TOP3B: variants seen among roughly 807,000 people sequenced by gnomAD.
The protein encoded by TOP3B is DNA topoisomerase III beta, also known as DNA topoisomerase 3-beta-1.
In TOP3B, 45 loss-of-function variants were observed where a neutral mutation model predicts 93.9. The ratio of observed to expected loss-of-function variants is 0.48; its 90% CI spans 0.38 to 0.61. TOP3B has a LOEUF of 0.61. TOP3B is among the 20% of genes least tolerant of loss of function. The pLI is 0.00. For missense variants in TOP3B, 750 were observed against 1,156.1 expected (o/e 0.65, Z 5.09); for synonymous variants, 357 against 472.6 (o/e 0.76, Z 3.17).
chr22:21,970,121 T>TA lies in TOP3B; in HGVS notation c.581+88dup, dbSNP rs1248994712. On this transcript the variant is annotated intron_variant, in intron 6 of 17. Transcript: ENST00000357179. The surrounding 1 kb of genome is among the most constrained non-coding windows in gnomAD (Gnocchi z 4.4). ...TTGCTCATCCTGGCTCGAGGAGGCCTAGGGGCCCCGGAGGGGGACCAGTAG... is the reference window on the plus strand; with the variant it reads ...TTGCTCATCCTGGCTCGAGGAGGCCTAAGGGGCCCCGGAGGGGGACCAGTAG... The TA allele has an allele frequency of 7.4e-5, 111 of 1,504,846 alleles. No homozygotes were observed. The highest frequency in any genetic ancestry group is 9.6e-5 in the Non-Finnish European group (107 of 1,115,074). 93.2% of individuals were successfully genotyped at this position (1,504,846 alleles called of 1,614,324 possible).
Position 21,972,607 on chromosome 22 carries a change from C to T in TOP3B, c.309+5G>A, listed in dbSNP as rs368855555. The T allele has an allele frequency of 1.3e-5, 21 of 1,603,040 alleles. No individual in the cohort carries two copies. Among genetic ancestry groups the T allele is most frequent in the African/African-American group, 2.7e-5 (2 of 74,220 alleles). ...TGTGCTCATGCCCAGGCCAGCCCCA[C>T]GCACCTGCAGGAACTTCACCATGTT... On this transcript the variant is annotated splice_donor_5th_base_variant and intron_variant, in intron 4 of 17. Coordinates refer to ENST00000357179, the MANE Select transcript of TOP3B (RefSeq NM_001282112.2).
Position 21,970,249 on chromosome 22 carries a change from C to T in TOP3B, c.542G>A (p.Arg181His), listed in dbSNP as rs757937448. 8 of 1,613,500 alleles carry T rather than the reference C, an allele frequency of 5.0e-6. No individual in the cohort carries two copies. Among genetic ancestry groups the T allele is most frequent in the South Asian group, 1.1e-5 (1 of 91,080 alleles). The change falls in exon 6 of 18, where the codon CGC becomes CAC. Residue 181 changes from arginine (R) to histidine (H), a missense_variant. Arg to His is a conservative substitution (Grantham distance 29). This residue lies in a region of TOP3B where 737 missense variants were observed against 933.7 expected (regional missense o/e 0.79). Coordinates refer to ENST00000357179, the MANE Select transcript of TOP3B (RefSeq NM_001282112.2). The surrounding 1 kb of genome is among the most constrained non-coding windows in gnomAD (Gnocchi z 4.4). ...DHNEALSVDA[R>H]QELDLRIGCA... ...GCCGATTCGCAGGTCCAGCTCCTGG[C>T]GAGCATCCACTGAGAGCGCCTCGTT...
chr22:21,972,305 C>T, intron 4 of TOP3B: 1 of 459,868 alleles, frequency 2.2e-6, no homozygotes, highest in South Asian at 3.9e-5. Flanking sequence ...CTTATCTGCA[C>T]TTTCTAATTT....
intron 9 of TOP3B, 69 bp from the exon 10 acceptor site, chr22:21,964,384 G>A: frequency 6.3e-7 from 1 of 1,575,410 alleles, no homozygotes; most frequent in South Asian, 1.1e-5. Flanking sequence ...CCTGGCCTAT[G>A]CACTCAGGCT....
intron 8 of TOP3B, 83 bp from the exon 9 acceptor site, chr22:21,965,458 G>C: frequency 1.2e-6 from 1 of 807,320 alleles, no homozygotes; most frequent in South Asian, 2.0e-5. Flanking sequence ...CGAAGGGTCT[G>C]GTTTCATTCA....
chr22:21,962,167 C>T (rs539748917), intron 13 of TOP3B: 18 of 1,404,112 alleles, frequency 1.3e-5, no homozygotes, highest in African/African-American at 4.3e-5. Flanking sequence ...GGGCGTTAGT[C>T]GGTGTGTGCA....
intron 11 of TOP3B, 73 bp from the exon 12 acceptor site, chr22:21,962,966 G>C: frequency 6.4e-7 from 1 of 1,556,632 alleles, no homozygotes. Context: ...CAGTACTCTC[G>C]CTCGAGCAGC....
rs961437313 is a variant in TOP3B, at chr22:21,963,635, G to A, written c.1204+288C>T. 9.1e-6 allele frequency: 4 copies of A among 439,796 alleles called. No homozygotes were observed. The highest frequency in any genetic ancestry group is 8.1e-5 in the African/African-American group (4 of 49,498). The allele number at this position is 439,796 out of a possible 1,614,324, so 27.2% of individuals were successfully genotyped here. A position where few individuals can be genotyped will look rare whatever the true frequency, so the allele number is the denominator to read the frequency against. On this transcript the variant is annotated intron_variant, in intron 11 of 17. Coordinates refer to ENST00000357179, the MANE Select transcript of TOP3B (RefSeq NM_001282112.2). The surrounding 1 kb of genome is among the most constrained non-coding windows in gnomAD (Gnocchi z 4.8). ...ACCTTAGGCCAGCTGGGAGGTAGGAGGTGTGCTGCCCCCTCCCCCACACCG... is the reference window on the plus strand; with the variant it reads ...ACCTTAGGCCAGCTGGGAGGTAGGAAGTGTGCTGCCCCCTCCCCCACACCG...
At chr22:21,972,459 C>T (rs958534752) in intron 4 of TOP3B, 153 bp downstream of exon 4, 5 of 594,320 alleles carry the variant, frequency 8.4e-6, no homozygotes, top group Non-Finnish European at 1.5e-5. Context: ...CCTGCAGGTG[C>T]CTCGTGGGCC....
intron 6 of TOP3B, chr22:21,969,036 A>G (rs1485419392): frequency 4.5e-6 from 2 of 440,506 alleles, no homozygotes; most frequent in Admixed American, 7.2e-5. Flanking sequence ...TATTCCATCT[A>G]CTGCACACTC....
At chr22:21,978,901 G>A (rs554288115) in intron 1 of TOP3B, among the ~76,000 whole-genome samples, 1 of 152,318 alleles carries the variant, frequency 6.6e-6, no homozygotes, top group South Asian at 2.1e-4. Flanking sequence ...CTGGCGAGAA[G>A]GAAAAGAGAA....
Position 21,970,525 on chromosome 22 carries a change from G to T in TOP3B, c.385-119C>A. The T allele has an allele frequency of 9.5e-7, 1 of 1,051,470 alleles. No individual in the cohort carries two copies. Among genetic ancestry groups the T allele is most frequent in the Non-Finnish European group, 1.4e-6 (1 of 725,276 alleles). 65.1% of individuals were successfully genotyped at this position (1,051,470 alleles called of 1,614,324 possible). A position where few individuals can be genotyped will look rare whatever the true frequency, so the allele number is the denominator to read the frequency against. On this transcript the variant is annotated intron_variant, in intron 5 of 17. Coordinates refer to ENST00000357179, the MANE Select transcript of TOP3B (RefSeq NM_001282112.2). The surrounding 1 kb of genome is among the most constrained non-coding windows in gnomAD (Gnocchi z 4.4). ...ACACGTGTGCTCGGCTCCCTCTCCT[G>T]CCCCTGCCAGACCCTCCTCTATCCC...
chr22:21,969,113 C>A, intron 6 of TOP3B: 1 of 204,276 alleles, frequency 4.9e-6, no homozygotes. Context: ...TCTCTGTCAG[C>A]TAAATAAACA....
chr22:21,975,237 G>A (rs1359921526), intron 2 of TOP3B: 1 of 161,164 alleles, frequency 6.2e-6, no homozygotes, highest in Non-Finnish European at 1.4e-5. Flanking sequence ...ACTCTGGAGT[G>A]ACGTGAGGTC....
chr22:21,959,347 T>G, intron 15 of TOP3B, 115 bp from the exon 16 acceptor site: 2 of 1,528,676 alleles, frequency 1.3e-6, no homozygotes, highest in Non-Finnish European at 1.8e-6. Context: ...TGGTTTCTAC[T>G]GTCCTGGCAG....
chr22:21,972,441 T>C (rs2071677485), intron 4 of TOP3B, 171 bp downstream of exon 4: 1 of 574,950 alleles, frequency 1.7e-6, no homozygotes, highest in South Asian at 2.2e-5. Flanking sequence ...CCTTGTGTGT[T>C]GGGGGTGCCT....
intron 13 of TOP3B, chr22:21,960,836 C>T (rs759535149): frequency 1.2e-5 from 3 of 252,100 alleles, no homozygotes; most frequent in African/African-American, 2.2e-5. Flanking sequence ...CCCACTCCAC[C>T]AGAACACGGA....
Position 21,958,638 on chromosome 22 carries a change from T to C in TOP3B, c.1961A>G (p.Gln654Arg). The change falls in exon 17 of 18, where the codon CAG becomes CGG. Residue 654 changes from glutamine to arginine, a missense_variant. This residue lies in a region of TOP3B where 737 missense variants were observed against 933.7 expected (regional missense o/e 0.79). Transcript: ENST00000357179. The part of the protein sequence containing the change: ...SHCDETYTLP[Q>R]NGTIKLYKEL... ...CTTGTAGAGCTTGATGGTGCCGTTC[T>C]GGGGGAGCGTGTAGGTCTCATCGCA... 2 of 1,613,844 alleles carry C rather than the reference T, an allele frequency of 1.2e-6. No individual in the cohort carries two copies. Among genetic ancestry groups the C allele is most frequent in the South Asian group, 1.1e-5 (1 of 91,066 alleles).
At chr22:21,965,451 A>G in intron 8 of TOP3B, 76 bp from the exon 9 acceptor site, 1 of 945,702 alleles carries the variant, frequency 1.1e-6, no homozygotes, top group South Asian at 1.7e-5. Flanking sequence ...GTGTGGACGA[A>G]GGGTCTGGTT....
Sources: allele counts gnomAD v4.1 joint callset (sites outside exome capture counted in the v4.1 genomes callset), GRCh38; gene constraint gnomAD v4.1.1; regional missense constraint gnomAD v4.1.1; non-coding constraint Gnocchi (gnomAD v3.1); transcripts MANE v1.5; gene names NCBI Gene and HGNC (gene_info 2026-07-23, HGNC 2026-07-21).